The following RETREG1 variants were observed in gnomAD, a reference collection of about 807,000 sequenced individuals.
The protein encoded by RETREG1 is family with sequence similarity 134 member B.
A neutral mutation model predicts 54.8 loss-of-function variants in RETREG1; 44 were observed. That is an observed-to-expected ratio of 0.80 (90% confidence interval 0.63 to 1.03). The LOEUF is 1.03. RETREG1 is among the 50% of genes least tolerant of loss of function. The pLI, the probability that RETREG1 is intolerant of heterozygous loss-of-function variation, is 0.00. For synonymous variants in RETREG1, 217 were observed against 238.5 expected (o/e 0.91, Z 0.83); for missense variants, 554 against 605.1 (o/e 0.92, Z 0.89).
intron 2 of RETREG1, among the ~76,000 whole-genome samples, 189 bp downstream of exon 2, chr5:16,571,807 C>A (rs1266092606): frequency 1.3e-5 from 2 of 152,152 alleles, no homozygotes; most frequent in Admixed American, 1.3e-4. Context: ...CACACACAAA[C>A]CTTTTACCTA....
At chr5:16,529,642 C>T (rs980154921) in intron 3 of RETREG1, among the ~76,000 whole-genome samples, 17 of 152,028 alleles carry the variant, frequency 1.1e-4, no homozygotes, top group Admixed American at 1.3e-4. Context: ...GAAGACACAC[C>T]GGGGTGACTT....
At chr5:16,489,031 C>T (rs1358283324) in intron 3 of RETREG1, among the ~76,000 whole-genome samples, 1 of 123,850 alleles carries the variant, frequency 8.1e-6, no homozygotes, top group Non-Finnish European at 1.6e-5. Context: ...TGCAATGAGC[C>T]GAGATAGCGC....
intron 1 of RETREG1, among the ~76,000 whole-genome samples, chr5:16,572,672 G>A (rs758588962): frequency 6.6e-6 from 1 of 152,146 alleles, no homozygotes; most frequent in Non-Finnish European, 1.5e-5. Context: ...CTCAGGCATA[G>A]ACCAAAATAT....
intron 3 of RETREG1, among the ~76,000 whole-genome samples, chr5:16,533,814 G>T (rs181679994): frequency 5.3e-5 from 8 of 152,328 alleles, no homozygotes; most frequent in African/African-American, 9.6e-5. Flanking sequence ...AGTACCTGGT[G>T]CAGCCCCAGA....
In RETREG1 at chr5:16,616,609, T is replaced by C. The variant is rs778492950; in HGVS notation, c.320+43A>G. On this transcript the variant is annotated intron_variant, in intron 1 of 8. Transcript: ENST00000306320. ...CCCCGGGGCCCCGGGCGCCCCAAGG[T>C]CACCTGCCCTCCTCAGCGCCCCCAC... 5.2e-6 allele frequency: 8 copies of C among 1,548,630 alleles called. No homozygotes were observed. The Admixed American group carries it at 1.1e-4, about 22-fold the overall frequency.
intron 3 of RETREG1, among the ~76,000 whole-genome samples, chr5:16,490,347 G>A (rs115877503): frequency 3.9e-5 from 6 of 152,162 alleles, no homozygotes; most frequent in South Asian, 4.1e-4. Context: ...ATGAATAAAC[G>A]TAACTATTAA....
intron 3 of RETREG1, among the ~76,000 whole-genome samples, chr5:16,564,901 A>G (rs1741966886): frequency 6.6e-6 from 1 of 152,166 alleles, no homozygotes; most frequent in African/African-American, 2.4e-5. Context: ...ATACAGGGTG[A>G]TTTTTTATAA....
At chr5:16,523,622 T>C (rs1163327371) in intron 3 of RETREG1, among the ~76,000 whole-genome samples, 2 of 152,102 alleles carry the variant, frequency 1.3e-5, no homozygotes, top group African/African-American at 4.8e-5. Context: ...TTTTTCCCTT[T>C]CCATCCTCTA....
In RETREG1 at chr5:16,474,725, CA is replaced by C. The variant is rs750152129; in HGVS notation, c.*15del. ...TTTTGGTGTTTTTTGTGCTCTGTTG[CA>C]AGCTGATTCCTAGATTAATGGCCTC... is the stretch of plus-strand genomic sequence containing the variant. On this transcript the variant is annotated 3_prime_UTR_variant, in exon 9 of 9. Coordinates refer to ENST00000306320, the MANE Select transcript of RETREG1 (RefSeq NM_001034850.3). 1.3e-6 allele frequency: 2 copies of C among 1,583,166 alleles called. No homozygotes were observed.
chr5:16,475,234 T>C lies in RETREG1; in HGVS notation c.1001A>G (p.Asp334Gly). 6.2e-7 allele frequency: 1 copy of C among 1,611,210 alleles called. No homozygotes were observed. The highest frequency in any genetic ancestry group is 8.5e-7 in the Non-Finnish European group (1 of 1,179,752). Reference protein sequence around the residue: ...GYTPQTDTSDDLDRPSEEVFS... With the variant: ...GYTPQTDTSDGLDRPSEEVFS... Reference sequence around the variant, plus strand: ...AACTTCCTCACTGGGTCGGTCAAGATCTGTGAAATGGATAACAGAAGTTCA... The same window carrying C: ...AACTTCCTCACTGGGTCGGTCAAGACCTGTGAAATGGATAACAGAAGTTCA... The change falls in exon 9 of 9, where the codon GAT becomes GGT. Residue 334 changes from aspartate (D) to glycine (G), a missense_variant and splice_region_variant. Transcript: ENST00000306320.
intron 8 of RETREG1, 117 bp from the exon 9 acceptor site, chr5:16,475,351 A>T (rs180992702): frequency 8.8e-7 from 1 of 1,134,360 alleles, no homozygotes; most frequent in African/African-American, 1.5e-5. Flanking sequence ...GCATTCATCT[A>T]GCCTCCTGGG....
Position 16,477,611 on chromosome 5 carries a change from T to TA in RETREG1, c.1000+50dup, listed in dbSNP as rs756580290. On this transcript the variant is annotated intron_variant, in intron 8 of 8. Coordinates refer to ENST00000306320, the MANE Select transcript of RETREG1 (RefSeq NM_001034850.3). ...CATTCAGTATTTGACAGAAGTTCAA[T>TA]AGTTTTGTATGCACTCATAAAAATA... is the stretch of plus-strand genomic sequence containing the variant. The TA allele has an allele frequency of 3.6e-5, 56 of 1,561,594 alleles. No homozygotes were observed. In the African/African-American group the frequency reaches 7.2e-4, roughly 20 times the overall value.
At chr5:16,574,753 A>C (rs1477591737) in intron 1 of RETREG1, among the ~76,000 whole-genome samples, 3 of 152,244 alleles carry the variant, frequency 2.0e-5, no homozygotes, top group Non-Finnish European at 4.4e-5. Flanking sequence ...TGCATCTAAT[A>C]AATATTTATT....
At chr5:16,573,886 A>G (rs1471198744) in intron 1 of RETREG1, among the ~76,000 whole-genome samples, 1 of 152,044 alleles carries the variant, frequency 6.6e-6, no homozygotes, top group East Asian at 1.9e-4. Flanking sequence ...CTGGAAATAT[A>G]GGTGTCTGCC....
intron 3 of RETREG1, among the ~76,000 whole-genome samples, chr5:16,483,724 C>T (rs374347638): frequency 3.9e-5 from 6 of 152,048 alleles, no homozygotes; most frequent in African/African-American, 1.2e-4. Flanking sequence ...GGCTTAGGGA[C>T]ATCTTTAATG....
intron 3 of RETREG1, among the ~76,000 whole-genome samples, chr5:16,522,622 G>A (rs1399336922): frequency 6.6e-6 from 1 of 152,178 alleles, no homozygotes. Flanking sequence ...CTGTCTCCAC[G>A]ATAATTCCTC....
At chr5:16,587,836 C>A (rs1232998826) in intron 1 of RETREG1, among the ~76,000 whole-genome samples, 3 of 152,200 alleles carry the variant, frequency 2.0e-5, no homozygotes, top group African/African-American at 7.2e-5. Flanking sequence ...CCGCAGCAAG[C>A]CTGATCCTTC....
In RETREG1 at chr5:16,530,853, C is replaced by T. The variant is rs1352123154; in HGVS notation, c.458+34910G>A. Reference sequence around the variant, plus strand: ...CTCCAGCCTGGGAGACAAAGCAAGACTCCGTCTCAAAAAAAAAAAAACTCC... The same window carrying T: ...CTCCAGCCTGGGAGACAAAGCAAGATTCCGTCTCAAAAAAAAAAAAACTCC... On this transcript the variant is annotated intron_variant, in intron 3 of 8. Coordinates refer to ENST00000306320, the MANE Select transcript of RETREG1 (RefSeq NM_001034850.3). Among the ~76,000 whole-genome samples the T allele has an allele frequency of 2.0e-5, 3 of 151,552 alleles. No individual in the cohort carries two copies. The East Asian group carries it at 5.8e-4, about 29-fold the overall frequency.
At chr5:16,491,878 G>A (rs1739262817) in intron 3 of RETREG1, among the ~76,000 whole-genome samples, 1 of 152,072 alleles carries the variant, frequency 6.6e-6, no homozygotes, top group Non-Finnish European at 1.5e-5. Context: ...GGAAAGAAAG[G>A]AAGAAAGAAA....
Sources: allele counts gnomAD v4.1 joint callset (sites outside exome capture counted in the v4.1 genomes callset), GRCh38; gene constraint gnomAD v4.1.1; transcripts MANE v1.5; gene names NCBI Gene and HGNC (gene_info 2026-07-23, HGNC 2026-07-21).